CREB3L2: variants seen among roughly 807,000 people sequenced by gnomAD.
CREB3L2 encodes cyclic AMP-responsive element-binding protein 3-like protein 2.
In CREB3L2, 23 loss-of-function variants were observed where a neutral mutation model predicts 57.2. That is an observed-to-expected ratio of 0.40 (90% CI 0.29 to 0.57). CREB3L2 has a LOEUF of 0.57. CREB3L2 is among the 20% of genes least tolerant of loss of function. CREB3L2 has a pLI of 0.42. For synonymous variants in CREB3L2, 268 were observed against 265.1 expected, an observed-to-expected ratio of 1.01 and a Z score of -0.11; for missense variants, 628 against 634.7, an observed-to-expected ratio of 0.99 and a Z score of 0.11.
intron 11 of CREB3L2, among the ~76,000 whole-genome samples, chr7:137,882,010 A>G (rs768605436): frequency 4.6e-5 from 7 of 152,228 alleles, no homozygotes; most frequent in Admixed American, 1.3e-4. Context: ...AGCACAATAT[A>G]TATCTACTCC....
At chr7:137,911,091 G>A (rs1182540677) in intron 4 of CREB3L2, among the ~76,000 whole-genome samples, 1 of 152,196 alleles carries the variant, frequency 6.6e-6, no homozygotes, top group East Asian at 1.9e-4. Context: ...TAAATTAAAA[G>A]AGTAAGATGC....
intron 7 of CREB3L2, among the ~76,000 whole-genome samples, 191 bp downstream of exon 7, chr7:137,903,768 T>G: frequency 1.3e-5 from 2 of 152,248 alleles, no homozygotes; most frequent in South Asian, 4.1e-4. Context: ...GTACTTTCAC[T>G]TCTTTCTTGC....
intron 2 of CREB3L2, among the ~76,000 whole-genome samples, chr7:137,925,741 A>C (rs1800440699): frequency 6.6e-6 from 1 of 152,156 alleles, no homozygotes; most frequent in African/African-American, 2.4e-5. Context: ...CAAGTTCCCC[A>C]TCCACTCATC....
At chr7:138,000,813 C>G (rs978861335) in intron 1 of CREB3L2, among the ~76,000 whole-genome samples, 17 of 152,176 alleles carry the variant, frequency 1.1e-4, no homozygotes, top group African/African-American at 3.9e-4. Context: ...ATACCAAAAA[C>G]TTGACATTAA....
chr7:137,936,132 A>G (rs1422262076), intron 1 of CREB3L2, among the ~76,000 whole-genome samples: 4 of 152,334 alleles, frequency 2.6e-5, no homozygotes, highest in African/African-American at 9.6e-5. Context: ...CGCCCACTCA[A>G]CAAATACAGT....
intron 1 of CREB3L2, among the ~76,000 whole-genome samples, chr7:137,949,379 G>A: frequency 6.6e-6 from 1 of 152,192 alleles, no homozygotes; most frequent in East Asian, 1.9e-4. Context: ...ACTTTATAAA[G>A]GACTCACGTA....
intron 4 of CREB3L2, among the ~76,000 whole-genome samples, chr7:137,908,959 G>T (rs920381110): frequency 1.3e-5 from 2 of 152,124 alleles, no homozygotes; most frequent in African/African-American, 2.4e-5. Flanking sequence ...AATTAGCCAG[G>T]TGTGGTGGCA....
rs1431748125 is a variant in CREB3L2 at position 137,913,978 on chromosome 7, G to A, written c.496-900C>T. Reference sequence around the variant, plus strand: ...CCTGGGAGTTTTCCCTGCCTGCAACGTAAAGCAGCCTGTAAATTACATATA... The same window carrying A: ...CCTGGGAGTTTTCCCTGCCTGCAACATAAAGCAGCCTGTAAATTACATATA... On this transcript the variant is annotated intron_variant, in intron 3 of 11. Transcript: ENST00000330387. 9.2e-5 allele frequency among the ~76,000 whole-genome samples: 14 copies of A among 152,138 alleles called. 1 individual carries two copies. The Middle Eastern group carries it at 0.017, about 185-fold the overall frequency.
Position 137,892,096 on chromosome 7 carries a change from G to A in CREB3L2, c.1044-6594C>T, listed in dbSNP as rs543825169. 6.6e-5 allele frequency among the ~76,000 whole-genome samples: 10 copies of A among 152,222 alleles called. No individual in the cohort carries two copies. The South Asian group carries it at 2.1e-3, about 32-fold the overall frequency. Reference sequence around the variant, plus strand: ...AAATTCCAAATCATGAACCATTTGTGGGTTTGTGAAATCAATTGGGTTGTG... The same window carrying A: ...AAATTCCAAATCATGAACCATTTGTAGGTTTGTGAAATCAATTGGGTTGTG... On this transcript the variant is annotated intron_variant, in intron 8 of 11. Coordinates refer to ENST00000330387, the MANE Select transcript of CREB3L2 (RefSeq NM_194071.4).
intron 1 of CREB3L2, among the ~76,000 whole-genome samples, chr7:137,948,686 T>C (rs989898240): frequency 2.0e-5 from 3 of 152,208 alleles, no homozygotes; most frequent in Non-Finnish European, 2.9e-5. Context: ...AGTTTCAATT[T>C]TCCTACTGAA....
intron 1 of CREB3L2, among the ~76,000 whole-genome samples, chr7:137,997,038 C>T (rs894264509): frequency 4.6e-5 from 7 of 152,176 alleles, no homozygotes; most frequent in African/African-American, 1.4e-4. Context: ...CACCTGCCAA[C>T]CTCTCCCCCT....
At chr7:137,961,340 G>C (rs145763852) in intron 1 of CREB3L2, among the ~76,000 whole-genome samples, 12 of 152,258 alleles carry the variant, frequency 7.9e-5, no homozygotes, top group African/African-American at 2.9e-4. Flanking sequence ...GTATGTCTCT[G>C]AATTGAAATT....
rs1799138917 is a variant in CREB3L2, at chr7:137,875,897, C to T, written c.*4579G>A. Reference sequence around the variant, plus strand: ...AAAACATTCCTGAATTTTATGTTGTCCAAAATAACAAAACAAAACAACACC... The same window carrying T: ...AAAACATTCCTGAATTTTATGTTGTTCAAAATAACAAAACAAAACAACACC... On this transcript the variant is annotated 3_prime_UTR_variant, in exon 12 of 12. Coordinates refer to ENST00000330387, the MANE Select transcript of CREB3L2 (RefSeq NM_194071.4). 1 of 225,306 alleles carries T rather than the reference C, an allele frequency of 4.4e-6. No homozygotes were observed. Among genetic ancestry groups the T allele is most frequent in the African/African-American group, 2.2e-5 (1 of 44,916 alleles). The allele number at this position is 225,306 out of a possible 1,614,324, so 14.0% of individuals were successfully genotyped here.
At chr7:137,984,518 C>T (rs1801762887) in intron 1 of CREB3L2, among the ~76,000 whole-genome samples, 2 of 152,228 alleles carry the variant, frequency 1.3e-5, no homozygotes, top group Non-Finnish European at 2.9e-5. Context: ...GCCCCGTTGG[C>T]CCTGATCAAG....
intron 1 of CREB3L2, among the ~76,000 whole-genome samples, chr7:137,938,628 G>C (rs1380889299): frequency 2.0e-5 from 3 of 152,114 alleles, no homozygotes; most frequent in Non-Finnish European, 1.5e-5. Context: ...ACAGGTGTGA[G>C]CCACTGCCCC....
At chr7:137,955,332 G>A (rs1801186731) in intron 1 of CREB3L2, 2 of 1,288,652 alleles carry the variant, frequency 1.6e-6, no homozygotes, top group South Asian at 2.5e-5. Flanking sequence ...TCGCATCCTG[G>A]TTTGGTAAGC....
In CREB3L2 at chr7:138,001,143, A is replaced by T. The variant is rs2117342028; in HGVS notation, c.102+461T>A. On this transcript the variant is annotated intron_variant, in intron 1 of 11. Coordinates refer to ENST00000330387, the MANE Select transcript of CREB3L2 (RefSeq NM_194071.4). The surrounding 1 kb of genome is among the most constrained non-coding windows in gnomAD (Gnocchi z 4.2). ...CACACACACGTGTACTTTTTAAAAT[A>T]TAAATATGAAAGAAGAGGAAGGGAG... Among the ~76,000 whole-genome samples the T allele has an allele frequency of 6.6e-6, 1 of 151,136 alleles. No individual in the cohort carries two copies. Among genetic ancestry groups the T allele is most frequent in the South Asian group, 2.1e-4 (1 of 4,754 alleles).
At chr7:137,991,984 G>A (rs535301984) in intron 1 of CREB3L2, among the ~76,000 whole-genome samples, 14 of 151,316 alleles carry the variant, frequency 9.3e-5, no homozygotes, top group African/African-American at 3.4e-4. Flanking sequence ...AACAAGAATC[G>A]GGCATTAAAA....
At chr7:137,936,757 C>G (rs1361489605) in intron 1 of CREB3L2, among the ~76,000 whole-genome samples, 1 of 152,162 alleles carries the variant, frequency 6.6e-6, no homozygotes, top group African/African-American at 2.4e-5. Flanking sequence ...ACCCTGCCAG[C>G]AGAGAAAGTA....
Sources: allele counts gnomAD v4.1 joint callset (sites outside exome capture counted in the v4.1 genomes callset), GRCh38; gene constraint gnomAD v4.1.1; non-coding constraint Gnocchi (gnomAD v3.1); transcripts MANE v1.5; gene names NCBI Gene and HGNC (gene_info 2026-07-23, HGNC 2026-07-21).